The following SLCO1B1 variants were observed in gnomAD, a reference collection of about 807,000 sequenced individuals.
SLCO1B1 encodes solute carrier organic anion transporter family member 1B1, also known as OATP-2.
SLCO1B1 carries 81 observed loss-of-function variants against 70.1 expected under a neutral mutation model. The observed-to-expected ratio is 1.16, with a 90% CI of 0.97 to 1.39. SLCO1B1 has a LOEUF of 1.39. Ranked by LOEUF, SLCO1B1 falls within the 40% of genes most tolerant of loss-of-function variation. The probability of loss-of-function intolerance (pLI) is 0.00; values close to 1 mark genes in which losing one functional copy is unlikely to be tolerated. For missense variants in SLCO1B1, 895 were observed against 799.6 expected, an observed-to-expected ratio of 1.12 and a Z score of -1.44; for synonymous variants, 283 against 271.5, an observed-to-expected ratio of 1.04 and a Z score of -0.42.
chr12:21,224,961 G>A (rs933495910), intron 14 of SLCO1B1, 122 bp downstream of exon 14: 9 of 587,200 alleles, frequency 1.5e-5, no homozygotes, highest in Non-Finnish European at 2.7e-5. Flanking sequence ...AACTGACTTT[G>A]CATGCAGTAT....
intron 1 of SLCO1B1, among the ~76,000 whole-genome samples, chr12:21,139,299 A>T (rs897023372): frequency 5.3e-5 from 8 of 152,150 alleles, no homozygotes; most frequent in Non-Finnish European, 1.0e-4. Context: ...TTACCTTGAG[A>T]CTAAACAGCC....
rs765065700 is a variant in SLCO1B1, at chr12:21,179,003, T to C, written c.710T>C (p.Ile237Thr). The change falls in exon 7 of 15, where the codon ATT (isoleucine) becomes ACT (threonine). Residue 237 changes from isoleucine to threonine, a missense_variant. By Grantham distance (89) the Ile-to-Thr change is moderately conservative. Transcript: ENST00000256958. Reference sequence around the variant, plus strand: ...CTGTTTTCTAAAATGTACGTGGATATTGGATATGTAGATCTAAGTAAGTAC... The same window carrying C: ...CTGTTTTCTAAAATGTACGTGGATACTGGATATGTAGATCTAAGTAAGTAC... The part of the protein sequence containing the change: ...GSLFSKMYVD[I>T]GYVDLSTIRI... 4 of 1,605,614 alleles carry C rather than the reference T, an allele frequency of 2.5e-6. No individual in the cohort carries two copies. The highest frequency in any genetic ancestry group is 3.3e-5 in the Admixed American group (2 of 59,964).
At chr12:21,177,012 C>T (rs531686318) in intron 5 of SLCO1B1, 115 bp downstream of exon 5, 60 of 784,342 alleles carry the variant, frequency 7.6e-5, no homozygotes, top group Non-Finnish European at 1.2e-4. Flanking sequence ...ATAGGAAAAA[C>T]ATTTGACTCT....
intron 7 of SLCO1B1, among the ~76,000 whole-genome samples, chr12:21,191,001 A>T (rs1383700752): frequency 1.3e-5 from 2 of 151,836 alleles, no homozygotes; most frequent in African/African-American, 4.8e-5. Context: ...CCATTGGTCT[A>T]TATTTCTGTC....
chr12:21,190,226 C>T (rs562907857), intron 7 of SLCO1B1, among the ~76,000 whole-genome samples: 8 of 152,282 alleles, frequency 5.3e-5, no homozygotes, highest in African/African-American at 1.2e-4. Context: ...TTTGACCATC[C>T]GTACACGTGA....
intron 2 of SLCO1B1, among the ~76,000 whole-genome samples, chr12:21,157,603 T>A (rs1940558253): frequency 6.7e-6 from 1 of 148,582 alleles, no homozygotes; most frequent in South Asian, 2.1e-4. Flanking sequence ...CTGTAAAATT[T>A]TTTTTTTTTT....
chr12:21,187,815 T>G (rs574503240), intron 7 of SLCO1B1, among the ~76,000 whole-genome samples: 2 of 152,010 alleles, frequency 1.3e-5, no homozygotes, highest in Admixed American at 6.6e-5. Context: ...GAAGAAAAAG[T>G]GAGGAGTAAA....
At chr12:21,196,053 G>T (rs1221732504) in intron 7 of SLCO1B1, among the ~76,000 whole-genome samples, 1 of 152,204 alleles carries the variant, frequency 6.6e-6, no homozygotes, top group East Asian at 1.9e-4. Flanking sequence ...GAGAGGAACA[G>T]CAAAGAGGTG....
intron 7 of SLCO1B1, among the ~76,000 whole-genome samples, chr12:21,189,778 C>T (rs1016114546): frequency 6.7e-6 from 1 of 148,604 alleles, no homozygotes; most frequent in African/African-American, 2.6e-5. Context: ...CATGTACACT[C>T]TAATGTTTTG....
chr12:21,159,546 T>C (rs1023698595), intron 2 of SLCO1B1, among the ~76,000 whole-genome samples: 10 of 152,166 alleles, frequency 6.6e-5, no homozygotes, highest in Non-Finnish European at 1.0e-4. Flanking sequence ...AATATGATAG[T>C]TTATTTAAAG....
chr12:21,214,688 C>G (rs970816582), intron 11 of SLCO1B1, among the ~76,000 whole-genome samples: 2 of 152,044 alleles, frequency 1.3e-5, no homozygotes, highest in East Asian at 3.9e-4. Context: ...AGTTTGATCT[C>G]AGACTGCTGT....
At chr12:21,134,809 AG>A (rs1422217019) in intron 1 of SLCO1B1, among the ~76,000 whole-genome samples, 4 of 152,098 alleles carry the variant, frequency 2.6e-5, no homozygotes, top group Non-Finnish European at 5.9e-5. Context: ...AATTTTTTGA[AG>A]GGTTTTTTGT....
At chr12:21,135,213 T>A (rs966725879) in intron 1 of SLCO1B1, among the ~76,000 whole-genome samples, 2 of 151,668 alleles carry the variant, frequency 1.3e-5, no homozygotes, top group African/African-American at 2.4e-5. Flanking sequence ...TTGTTATAAT[T>A]TCTGTTCTTT....
Position 21,239,005 on chromosome 12 carries a change from T to A in SLCO1B1, c.1892T>A (p.Met631Lys). Reference sequence around the variant, plus strand: ...AGGGTCTACTTGGGCTTGTCTTCAATGTTAAGAGTCTCATCACTTGTTTTA... The same window carrying A: ...AGGGTCTACTTGGGCTTGTCTTCAAAGTTAAGAGTCTCATCACTTGTTTTA... ...FSRVYLGLSS[M>K]LRVSSLVLYI... The change falls in exon 15 of 15, where the codon ATG (methionine) becomes AAG (lysine). Residue 631 changes from methionine (M) to lysine (K), a missense_variant. Coordinates refer to ENST00000256958, the MANE Select transcript of SLCO1B1 (RefSeq NM_006446.5). 6.3e-7 allele frequency: 1 copy of A among 1,580,862 alleles called. No homozygotes were observed. Among genetic ancestry groups the A allele is most frequent in the Non-Finnish European group, 8.7e-7 (1 of 1,152,534 alleles).
chr12:21,180,352 C>A (rs1406378156), intron 7 of SLCO1B1, among the ~76,000 whole-genome samples: 2 of 152,134 alleles, frequency 1.3e-5, no homozygotes, highest in African/African-American at 4.8e-5. Flanking sequence ...AATGTGGATC[C>A]TCTTAGAGAA....
At chr12:21,221,351 T>C (rs76373857) in intron 12 of SLCO1B1, among the ~76,000 whole-genome samples, 2,404 of 152,070 alleles carry the variant, frequency 0.016, 65 homozygotes, top group African/African-American at 0.055. Context: ...GTATCCAAAT[T>C]AGAAAAGAGG....
chr12:21,158,383 G>A (rs1489561074), intron 2 of SLCO1B1, among the ~76,000 whole-genome samples: 1 of 152,058 alleles, frequency 6.6e-6, no homozygotes, highest in Non-Finnish European at 1.5e-5. Context: ...TTTTCAAAAT[G>A]TATTTTTCAA....
In SLCO1B1 at chr12:21,239,463, T is replaced by C. The variant is rs1001165112; in HGVS notation, c.*274T>C. ...AGTGAGAGACATGGTTACTGTGTAATAAAAGAAAAAATACTTGTTCAGGTA... is the reference window on the plus strand; with the variant it reads ...AGTGAGAGACATGGTTACTGTGTAACAAAAGAAAAAATACTTGTTCAGGTA... On this transcript the variant is annotated 3_prime_UTR_variant, in exon 15 of 15. Coordinates refer to ENST00000256958, the MANE Select transcript of SLCO1B1 (RefSeq NM_006446.5). Among the ~76,000 whole-genome samples, 89 of 152,084 alleles carry C rather than the reference T, an allele frequency of 5.9e-4. No individual in the cohort carries two copies. Among genetic ancestry groups the C allele is most frequent in the African/African-American group, 1.9e-3 (79 of 41,438 alleles).
intron 7 of SLCO1B1, among the ~76,000 whole-genome samples, chr12:21,183,897 A>T (rs1940933250): frequency 6.6e-6 from 1 of 152,270 alleles, no homozygotes; most frequent in East Asian, 1.9e-4. Flanking sequence ...AATAGCCATT[A>T]AAAAAACACT....
Sources: gnomAD v4.1 joint callset for allele counts (sites outside exome capture counted in the v4.1 genomes callset) on GRCh38, gnomAD v4.1.1 for gene constraint, MANE v1.5 for transcripts, NCBI Gene and HGNC (gene_info 2026-07-23, HGNC 2026-07-21) for gene names.